Variants in SYNRG observed in about 807,000 individuals in gnomAD.
SYNRG encodes the protein synergin gamma.
In SYNRG, 37 loss-of-function variants were observed where a neutral mutation model predicts 130.9. That is an observed-to-expected ratio of 0.28 (90% confidence interval 0.22 to 0.37). The LOEUF is 0.37. Among genes scored for constraint, SYNRG ranks in the 10% least tolerant of loss-of-function variants. The pLI is 1.00. For missense variants in SYNRG, 1,338 were observed against 1,588.9 expected, an observed-to-expected ratio of 0.84 and a Z score of 2.68; for synonymous variants, 539 against 568.1, an observed-to-expected ratio of 0.95 and a Z score of 0.73.
At chr17:37,545,902 G>A (rs1273560728) in intron 14 of SYNRG, among the ~76,000 whole-genome samples, 1 of 152,130 alleles carries the variant, frequency 6.6e-6, no homozygotes, top group East Asian at 1.9e-4. Context: ...TGGTACATAA[G>A]GAATGTGAGA....
At chr17:37,525,609 G>GA (rs1475500300) in intron 19 of SYNRG, among the ~76,000 whole-genome samples, 2 of 152,104 alleles carry the variant, frequency 1.3e-5, no homozygotes, top group Non-Finnish European at 1.5e-5. Context: ...GAGGTGGGTG[G>GA]ATCACCTGAG....
chr17:37,561,082 C>T, intron 13 of SYNRG, 113 bp downstream of exon 13: 1 of 872,626 alleles, frequency 1.1e-6, no homozygotes, highest in Non-Finnish European at 1.8e-6. Context: ...TTCTCCTAAA[C>T]ACACAGACAC....
intron 1 of SYNRG, among the ~76,000 whole-genome samples, chr17:37,607,984 G>GAAA (rs2063954701): frequency 9.3e-6 from 1 of 107,410 alleles, no homozygotes; most frequent in Non-Finnish European, 2.0e-5. Flanking sequence ...AAAAAAACAA[G>GAAA]ACAAAAGAAA....
intron 14 of SYNRG, among the ~76,000 whole-genome samples, chr17:37,550,790 C>G (rs899406833): frequency 7.2e-5 from 11 of 151,968 alleles, no homozygotes; most frequent in African/African-American, 2.7e-4. Flanking sequence ...CTACAGAAGT[C>G]TTGCTAACCC....
chr17:37,552,645 T>G (rs2058795583), intron 14 of SYNRG, among the ~76,000 whole-genome samples: 2 of 152,182 alleles, frequency 1.3e-5, no homozygotes. Context: ...GGTTAGAAAT[T>G]TTTACTTTCT....
intron 6 of SYNRG, chr17:37,579,444 G>A: frequency 2.3e-6 from 3 of 1,302,142 alleles, no homozygotes; most frequent in Non-Finnish European, 3.0e-6. Flanking sequence ...TCTGCAAAAT[G>A]GAAAATGGCA....
chr17:37,586,448 G>A lies in SYNRG; in HGVS notation c.342C>T (p.Asp114=). The A allele has an allele frequency of 6.2e-7, 1 of 1,614,194 alleles. No homozygotes were observed. The highest frequency in any genetic ancestry group is 8.5e-7 in the Non-Finnish European group (1 of 1,180,032). ...MRPPGPQYTP[D]MQKQFAEEQQ... is the part of the protein sequence containing the mutation. ...GCTCTTCGGCAAACTGCTTCTGCAT[G>A]TCTGGAGTGTACTGTGGGCCTGGAG... The change falls in exon 4 of 22, where the codon GAC becomes GAT. Residue 114 remains aspartate, a synonymous_variant. Transcript: ENST00000612223.
chr17:37,540,287 T>C (rs2057620610), intron 16 of SYNRG, 93 bp downstream of exon 16: 1 of 1,449,640 alleles, frequency 6.9e-7, no homozygotes, highest in Admixed American at 2.0e-5. Flanking sequence ...CTGCCCCTCA[T>C]TTTCCCCATG....
At chr17:37,538,273 AAAT>A in intron 18 of SYNRG, 48 bp downstream of exon 18, 1 of 1,353,254 alleles carries the variant, frequency 7.4e-7, no homozygotes, top group Non-Finnish European at 1.0e-6. Context: ...GGAAAACTGA[AAAT>A]AATGCAAAGG....
At chr17:37,547,399 A>T (rs2058363664) in intron 14 of SYNRG, among the ~76,000 whole-genome samples, 1 of 151,634 alleles carries the variant, frequency 6.6e-6, no homozygotes, top group Non-Finnish European at 1.5e-5. Flanking sequence ...GGTTCTTTGC[A>T]TTATTTTAGG....
chr17:37,556,681 T>C (rs983375414), intron 13 of SYNRG, among the ~76,000 whole-genome samples: 1 of 152,142 alleles, frequency 6.6e-6, no homozygotes, highest in Non-Finnish European at 1.5e-5. Flanking sequence ...AGATTTCCTG[T>C]AATTTATATT....
chr17:37,537,913 G>A (rs866452882), intron 18 of SYNRG, among the ~76,000 whole-genome samples: 3 of 152,224 alleles, frequency 2.0e-5, no homozygotes, highest in Admixed American at 6.5e-5. Flanking sequence ...ACACTTTCCC[G>A]TTGGACTGAC....
At chr17:37,575,393 C>G (rs777651225) in intron 8 of SYNRG, among the ~76,000 whole-genome samples, 7 of 151,918 alleles carry the variant, frequency 4.6e-5, no homozygotes, top group Non-Finnish European at 1.0e-4. Flanking sequence ...CATTGTATGT[C>G]TGTATCAAAG....
At chr17:37,532,297 T>C (rs17138631) in intron 19 of SYNRG, among the ~76,000 whole-genome samples, 31,688 of 152,158 alleles carry the variant, frequency 0.21, 3,522 homozygotes, top group Admixed American at 0.32. Flanking sequence ...GGTGATTCCA[T>C]CCTACAGTAT....
At position 37,609,396 on chromosome 17, in the gene SYNRG, ATCAGCAGCTG is replaced by A; in HGVS notation, c.-51_-42del. On this transcript the variant is annotated 5_prime_UTR_variant, in exon 1 of 22. Coordinates refer to ENST00000612223, the MANE Select transcript of SYNRG (RefSeq NM_007247.6). ...CCGCTGCCTTCGCCGCCGCCACCTT[ATCAGCAGCTG>A]TCAGCTGAACACAGCCACTTCCGGG... 2 of 1,390,900 alleles carry A rather than the reference ATCAGCAGCTG, an allele frequency of 1.4e-6. No individual in the cohort carries two copies. The highest frequency in any genetic ancestry group is 1.9e-6 in the Non-Finnish European group (2 of 1,076,500). The allele number at this position is 1,390,900 out of a possible 1,614,324, so 86.2% of individuals were successfully genotyped here.
In SYNRG at chr17:37,538,319, C is replaced by T; in HGVS notation, c.3517+5G>A. ...TTTTCAATAGTAAAATATGAAAGAA[C>T]ATACCTAATAAATATTCCATGCCTT... is the stretch of plus-strand genomic sequence containing the variant. On this transcript the variant is annotated splice_donor_5th_base_variant and intron_variant, in intron 18 of 21. Coordinates refer to ENST00000612223, the MANE Select transcript of SYNRG (RefSeq NM_007247.6). 2 of 1,585,782 alleles carry T rather than the reference C, an allele frequency of 1.3e-6. No individual in the cohort carries two copies. Among genetic ancestry groups the T allele is most frequent in the Non-Finnish European group, 1.7e-6 (2 of 1,166,952 alleles).
At chr17:37,563,300 C>T (rs2059680942) in intron 11 of SYNRG, among the ~76,000 whole-genome samples, 1 of 152,126 alleles carries the variant, frequency 6.6e-6, no homozygotes, top group Admixed American at 6.5e-5. Flanking sequence ...ACTTAAGAAC[C>T]TGTATTCTAC....
intron 1 of SYNRG, among the ~76,000 whole-genome samples, chr17:37,608,827 A>AC (rs938766916): frequency 5.3e-5 from 8 of 151,590 alleles, no homozygotes; most frequent in African/African-American, 1.9e-4. Context: ...CCACACACAC[A>AC]CCCCCCTTGG....
chr17:37,586,605 C>A (rs2061709564), intron 3 of SYNRG, 56 bp from the exon 4 acceptor site: 3 of 1,585,074 alleles, frequency 1.9e-6, no homozygotes, highest in Admixed American at 3.5e-5. Context: ...AATTATCACA[C>A]ACAAAAATGT....
Sources: allele counts gnomAD v4.1 joint callset (sites outside exome capture counted in the v4.1 genomes callset), GRCh38; gene constraint gnomAD v4.1.1; transcripts MANE v1.5; gene names NCBI Gene and HGNC (gene_info 2026-07-23, HGNC 2026-07-21).